The following CNTN5 variants were observed in gnomAD, a reference collection of about 807,000 sequenced individuals.
CNTN5 encodes the protein contactin 5.
A neutral mutation model predicts 129.1 loss-of-function variants in CNTN5; 77 were observed. The ratio of observed to expected loss-of-function variants is 0.60; its 90% confidence interval spans 0.50 to 0.72. The LOEUF is 0.72. CNTN5 is among the 30% of genes least tolerant of loss of function. The pLI is 0.00. For missense variants in CNTN5, 1,478 were observed against 1,328.8 expected, an observed-to-expected ratio of 1.11 and a Z score of -1.75; for synonymous variants, 509 against 465.6, an observed-to-expected ratio of 1.09 and a Z score of -1.20.
At chr11:99,154,061 T>G (rs1440063284) in intron 1 of CNTN5, among the ~76,000 whole-genome samples, 1 of 152,056 alleles carries the variant, frequency 6.6e-6, no homozygotes, top group Non-Finnish European at 1.5e-5. Context: ...ACGAAAACAC[T>G]CCGATGGATT....
At chr11:99,218,310 G>A (rs898776) in intron 1 of CNTN5, among the ~76,000 whole-genome samples, 144,140 of 152,186 alleles carry the variant, frequency 0.95, 68,323 homozygotes, top group East Asian at 1. Context: ...TAAATTTTAA[G>A]TTACTTTTGA....
At chr11:99,288,758 C>T (rs1864047032) in intron 1 of CNTN5, among the ~76,000 whole-genome samples, 2 of 151,888 alleles carry the variant, frequency 1.3e-5, no homozygotes, top group Non-Finnish European at 2.9e-5. Context: ...AATTTCATTA[C>T]AGCACCCTTG....
intron 9 of CNTN5, among the ~76,000 whole-genome samples, chr11:100,027,753 C>G (rs1766328876): frequency 6.6e-6 from 1 of 152,166 alleles, no homozygotes; most frequent in African/African-American, 2.4e-5. Context: ...GCCTAAGTCT[C>G]CCTTGCTATG....
intron 21 of CNTN5, among the ~76,000 whole-genome samples, chr11:100,313,410 A>G (rs980424204): frequency 1.3e-5 from 2 of 151,018 alleles, no homozygotes; most frequent in African/African-American, 4.9e-5. Flanking sequence ...TGATTCCTGC[A>G]TATCTGGCTT....
intron 3 of CNTN5, among the ~76,000 whole-genome samples, chr11:99,751,906 C>T (rs1449266554): frequency 6.6e-6 from 1 of 152,068 alleles, no homozygotes; most frequent in Non-Finnish European, 1.5e-5. Context: ...GGCTTTTTGC[C>T]CTGCTGTCCC....
chr11:99,840,147 G>C (rs989112301), intron 4 of CNTN5, among the ~76,000 whole-genome samples: 2 of 152,126 alleles, frequency 1.3e-5, no homozygotes, highest in South Asian at 4.1e-4. Flanking sequence ...CTTCACCATG[G>C]TAATGTCCAT....
chr11:99,272,830 TAGC>T lies in CNTN5; in HGVS notation c.-209-52513_-209-52511del, dbSNP rs1863238214. Among the ~76,000 whole-genome samples, 3 of 151,902 alleles carry T rather than the reference TAGC, an allele frequency of 2.0e-5. No homozygotes were observed. In the Admixed American group the frequency reaches 2.0e-4, roughly 10 times the overall value. On this transcript the variant is annotated intron_variant, in intron 1 of 24. Transcript: ENST00000524871. The stretch of plus-strand genomic sequence containing the variant: ...AATGTATTAAAATTCAAATTAATAT[TAGC>T]AGAAGCATAAATATAAACTAGTTTA...
chr11:99,163,899 A>G (rs543234719), intron 1 of CNTN5, among the ~76,000 whole-genome samples: 10 of 152,364 alleles, frequency 6.6e-5, no homozygotes, highest in Middle Eastern at 3.4e-3. Context: ...AAAACAATGC[A>G]GTGTGGAACT....
chr11:99,084,382 A>G (rs1163743931), intron 1 of CNTN5, among the ~76,000 whole-genome samples: 1 of 152,204 alleles, frequency 6.6e-6, no homozygotes, highest in African/African-American at 2.4e-5. Flanking sequence ...AAGGGCAGGT[A>G]TCTGGATGAT....
rs192623665 is a variant in CNTN5, at chr11:99,513,488, G to T, written c.-70-42657G>T. Among the ~76,000 whole-genome samples the T allele has an allele frequency of 4.0e-3, 607 of 152,182 alleles. 1 individual carries two copies. Among genetic ancestry groups the T allele is most frequent in the South Asian group, 0.021 (103 of 4,824 alleles). On this transcript the variant is annotated intron_variant, in intron 2 of 24. Coordinates refer to ENST00000524871, the MANE Select transcript of CNTN5 (RefSeq NM_014361.4). ...GGACTTTCATAGCTAGAGAGTAGAA[G>T]TTAATGCCTGGCTTTAAAGCTTCAA...
At chr11:99,902,106 G>A (rs1949372526) in intron 6 of CNTN5, among the ~76,000 whole-genome samples, 1 of 152,098 alleles carries the variant, frequency 6.6e-6, no homozygotes, top group African/African-American at 2.4e-5. Context: ...CCACCACAAT[G>A]ACATGAACTG....
At chr11:100,039,902 C>A (rs1341609376) in intron 9 of CNTN5, among the ~76,000 whole-genome samples, 1 of 152,104 alleles carries the variant, frequency 6.6e-6, no homozygotes, top group Non-Finnish European at 1.5e-5. Context: ...AACTTCTTTG[C>A]CATTGGTTCG....
intron 1 of CNTN5, among the ~76,000 whole-genome samples, chr11:99,148,785 T>A (rs1276222107): frequency 6.6e-6 from 1 of 152,178 alleles, no homozygotes; most frequent in Non-Finnish European, 1.5e-5. Flanking sequence ...CTTTTTTTAT[T>A]TCTACTCTTC....
At chr11:99,612,975 G>C (rs1386965099) in intron 3 of CNTN5, among the ~76,000 whole-genome samples, 1 of 152,144 alleles carries the variant, frequency 6.6e-6, no homozygotes, top group Non-Finnish European at 1.5e-5. Flanking sequence ...TGCAAGTGTG[G>C]AGCCCAGGGA....
chr11:100,118,052 T>C (rs1265305307), intron 13 of CNTN5, among the ~76,000 whole-genome samples: 1 of 151,686 alleles, frequency 6.6e-6, no homozygotes, highest in Non-Finnish European at 1.5e-5. Context: ...CCCTTCCATG[T>C]AATGGGCATA....
chr11:99,857,326 C>T (rs753841673), intron 6 of CNTN5, among the ~76,000 whole-genome samples: 3 of 152,030 alleles, frequency 2.0e-5, no homozygotes, highest in African/African-American at 7.2e-5. Context: ...TGAATGCTGG[C>T]GTGATAAGTG....
chr11:99,726,282 T>C (rs1258651525), intron 3 of CNTN5, among the ~76,000 whole-genome samples: 3 of 152,212 alleles, frequency 2.0e-5, no homozygotes, highest in Non-Finnish European at 1.5e-5. Context: ...TCTGTGCTTT[T>C]TGTATGTGTG....
intron 8 of CNTN5, among the ~76,000 whole-genome samples, chr11:99,976,127 A>C (rs1937946928): frequency 6.6e-6 from 1 of 152,222 alleles, no homozygotes; most frequent in African/African-American, 2.4e-5. Context: ...ATTAAATCTT[A>C]AAGCTCCAAA....
intron 3 of CNTN5, among the ~76,000 whole-genome samples, chr11:99,693,404 G>A (rs1336600571): frequency 6.6e-6 from 1 of 151,936 alleles, no homozygotes. Context: ...ATGATACATA[G>A]TACAAAAGAA....
Sources: gnomAD v4.1 joint callset for allele counts (sites outside exome capture counted in the v4.1 genomes callset) on GRCh38, gnomAD v4.1.1 for gene constraint, MANE v1.5 for transcripts, NCBI Gene and HGNC (gene_info 2026-07-23, HGNC 2026-07-21) for gene names.